The following GLT8D2 variants were observed in gnomAD, a reference collection of about 807,000 sequenced individuals.
The protein encoded by GLT8D2 is glycosyltransferase 8 domain-containing protein 2.
A neutral mutation model predicts 44.5 loss-of-function variants in GLT8D2; 45 were observed. The observed-to-expected ratio is 1.01, with a 90% confidence interval of 0.80 to 1.30. The LOEUF (loss-of-function observed/expected upper bound fraction) is 1.30. GLT8D2 is among the 50% of genes most tolerant of loss of function. The pLI is 0.00. For synonymous variants in GLT8D2, 156 were observed against 157.2 expected (o/e 0.99, Z 0.06); for missense variants, 400 against 430.4 (o/e 0.93, Z 0.62).
At chr12:104,006,800 C>T (rs781222622) in intron 4 of GLT8D2, among the ~76,000 whole-genome samples, 3 of 152,184 alleles carry the variant, frequency 2.0e-5, no homozygotes, top group Non-Finnish European at 4.4e-5. Context: ...TTGATCATAA[C>T]ACAAAATCTA....
intron 1 of GLT8D2, among the ~76,000 whole-genome samples, chr12:104,024,326 C>G (rs902329388): frequency 6.6e-6 from 1 of 152,084 alleles, no homozygotes; most frequent in African/African-American, 2.4e-5. Flanking sequence ...CCCAGCTATT[C>G]AGGAGGCTGA....
At chr12:104,015,430 ACACAC>A (rs1876447812) in intron 3 of GLT8D2, among the ~76,000 whole-genome samples, 2 of 151,188 alleles carry the variant, frequency 1.3e-5, no homozygotes, top group Admixed American at 6.6e-5. Context: ...ACACACACAC[ACACAC>A]AAATTAGCTG....
chr12:104,036,873 C>T lies in GLT8D2; in HGVS notation c.-164+13022G>A, dbSNP rs576717820. 2.0e-5 allele frequency among the ~76,000 whole-genome samples: 3 copies of T among 152,184 alleles called. No individual in the cohort carries two copies. In the South Asian group the frequency reaches 6.2e-4, roughly 31 times the overall value. ...AACAGAATATACATTTTTCTCAGCACCACACTGCACTTATTCCAAAACTGA... is the reference window on the plus strand; with the variant it reads ...AACAGAATATACATTTTTCTCAGCATCACACTGCACTTATTCCAAAACTGA... On this transcript the variant is annotated intron_variant, in intron 1 of 10. Coordinates refer to ENST00000360814, the MANE Select transcript of GLT8D2 (RefSeq NM_001384711.1).
intron 5 of GLT8D2, among the ~76,000 whole-genome samples, chr12:104,001,415 T>C (rs1370272137): frequency 6.6e-6 from 1 of 152,264 alleles, no homozygotes; most frequent in Admixed American, 6.5e-5. Context: ...GGCATGTGAA[T>C]CAAATTATAT....
rs1555278941 is a variant in GLT8D2 at position 104,016,774 on chromosome 12, A to AGAAGGAAAG, written c.20-1670_20-1669insCTTTCCTTC. Among the ~76,000 whole-genome samples, 505 of 58,390 alleles carry AGAAGGAAAG rather than the reference A, an allele frequency of 8.6e-3. 10 individuals are homozygous for AGAAGGAAAG. Among genetic ancestry groups the AGAAGGAAAG allele is most frequent in the Non-Finnish European group, 0.013 (382 of 30,040 alleles). 38.3% of individuals were successfully genotyped at this position (58,390 alleles called of 152,430 possible). A position where few individuals can be genotyped will look rare whatever the true frequency, so the allele number is the denominator to read the frequency against. ...AAGAAAGAAAGAAAGAAAGAAAGAAAGAAGGAAGGAAGGAAGGAAGGAAGG... is the reference window on the plus strand; with the variant it reads ...AAGAAAGAAAGAAAGAAAGAAAGAAAGAAGGAAAGGAAGGAAGGAAGGAAGGAAGGAAGG... On this transcript the variant is annotated intron_variant, in intron 3 of 10. Coordinates refer to ENST00000360814, the MANE Select transcript of GLT8D2 (RefSeq NM_001384711.1).
chr12:104,040,617 G>T (rs1051800891), intron 1 of GLT8D2, among the ~76,000 whole-genome samples: 4 of 151,806 alleles, frequency 2.6e-5, no homozygotes, highest in African/African-American at 9.7e-5. Flanking sequence ...GTAGAGATGG[G>T]GTTTCAGCAT....
chr12:104,032,877 C>T (rs916653592), intron 1 of GLT8D2, among the ~76,000 whole-genome samples: 5 of 99,726 alleles, frequency 5.0e-5, no homozygotes, highest in Middle Eastern at 4.7e-3. Flanking sequence ...CATTGCAGCA[C>T]TATTTTTTTT....
chr12:104,016,713 A>G (rs539380274), intron 3 of GLT8D2, among the ~76,000 whole-genome samples: 7 of 32,532 alleles, frequency 2.2e-4, no homozygotes, highest in East Asian at 1.1e-3. Context: ...GGGAGAGAGA[A>G]AGAAAGAAAG....
chr12:104,017,476 C>T (rs1209789636), intron 3 of GLT8D2, among the ~76,000 whole-genome samples: 2 of 152,130 alleles, frequency 1.3e-5, no homozygotes, highest in African/African-American at 2.4e-5. Context: ...GCCCCCACCA[C>T]CATGCCTGGC....
At chr12:104,021,682 G>A (rs962974872) in intron 1 of GLT8D2, among the ~76,000 whole-genome samples, 191 bp from the exon 2 acceptor site, 2 of 151,410 alleles carry the variant, frequency 1.3e-5, no homozygotes, top group East Asian at 1.9e-4. Context: ...CCAGCTACTC[G>A]GGAGGTTGAG....
intron 1 of GLT8D2, among the ~76,000 whole-genome samples, chr12:104,030,618 G>T (rs2136428191): frequency 6.6e-6 from 1 of 152,196 alleles, no homozygotes; most frequent in East Asian, 1.9e-4. Flanking sequence ...GAATGGGAGC[G>T]ATTATTTACA....
intron 1 of GLT8D2, among the ~76,000 whole-genome samples, chr12:104,048,935 G>T (rs1881442768): frequency 6.6e-6 from 1 of 152,192 alleles, no homozygotes; most frequent in African/African-American, 2.4e-5. Flanking sequence ...GAGCTTAGAA[G>T]GTGTGTAAGT....
At chr12:104,041,286 C>T (rs532234842) in intron 1 of GLT8D2, among the ~76,000 whole-genome samples, 7 of 152,150 alleles carry the variant, frequency 4.6e-5, no homozygotes, top group Non-Finnish European at 8.8e-5. Context: ...TGGTGACAGG[C>T]GCCTGTAATC....
At chr12:103,989,650 G>A in intron 10 of GLT8D2, 73 bp from the exon 11 acceptor site, 1 of 1,286,916 alleles carries the variant, frequency 7.8e-7, no homozygotes, top group Non-Finnish European at 1.1e-6. Context: ...TTGAATACAA[G>A]TTCATAGTTT....
chr12:103,994,549 T>C, intron 8 of GLT8D2, 48 bp from the exon 9 acceptor site: 1 of 1,517,544 alleles, frequency 6.6e-7, no homozygotes, highest in Non-Finnish European at 9.0e-7. Context: ...AATCTTTTGT[T>C]TCTGGAAAAT....
intron 1 of GLT8D2, among the ~76,000 whole-genome samples, chr12:104,026,527 C>G (rs1878596598): frequency 6.6e-6 from 1 of 152,128 alleles, no homozygotes; most frequent in African/African-American, 2.4e-5. Flanking sequence ...TACAATGTAT[C>G]TATCTATATG....
chr12:104,020,854 C>T (rs1192985350), intron 2 of GLT8D2, among the ~76,000 whole-genome samples: 1 of 152,170 alleles, frequency 6.6e-6, no homozygotes, highest in Non-Finnish European at 1.5e-5. Context: ...CTGGCTGGAT[C>T]ATAGTGGACC....
upstream of GLT8D2, chr12:104,064,379 C>G (rs768346808): frequency 2.0e-6 from 1 of 502,128 alleles, no homozygotes; most frequent in Non-Finnish European, 3.3e-6. The surrounding 1 kb of genome is among the most constrained non-coding windows in gnomAD (Gnocchi z 7.3). Flanking sequence ...GGGGGCGGGG[C>G]TCCCCTGTCA....
chr12:104,015,066 C>G lies in GLT8D2; in HGVS notation c.59G>C (p.Cys20Ser). The change falls in exon 4 of 11, where the codon TGT becomes TCT. Residue 20 changes from cysteine (C) to serine (S), a missense_variant. Coordinates refer to ENST00000360814, the MANE Select transcript of GLT8D2 (RefSeq NM_001384711.1). ...VLLFLLIVTL[C>S]VILYKKVHKG... ...ATGAACTTTCTTATACAGAATCACA[C>G]AGAGGGTCACGATCAGAAGGAACAG... 1.9e-6 allele frequency: 3 copies of G among 1,613,926 alleles called. No individual in the cohort carries two copies. The highest frequency in any genetic ancestry group is 2.5e-6 in the Non-Finnish European group (3 of 1,179,868).
Sources: allele counts gnomAD v4.1 joint callset (sites outside exome capture counted in the v4.1 genomes callset), GRCh38; gene constraint gnomAD v4.1.1; non-coding constraint Gnocchi (gnomAD v3.1); transcripts MANE v1.5; gene names NCBI Gene and HGNC (gene_info 2026-07-23, HGNC 2026-07-21).